HDAC9: variants seen among roughly 807,000 people sequenced by gnomAD.
The protein encoded by HDAC9 is MEF-2 interacting transcription repressor (MITR) protein.
In HDAC9, 41 loss-of-function variants were observed where a neutral mutation model predicts 139.4. The observed-to-expected ratio is 0.29, with a 90% CI of 0.23 to 0.38. The LOEUF (loss-of-function observed/expected upper bound fraction) is 0.38. HDAC9 is among the 10% of genes least tolerant of loss of function. HDAC9 has a pLI of 1.00. For synonymous variants in HDAC9, 517 were observed against 476.2 expected, an observed-to-expected ratio of 1.09 and a Z score of -1.12; for missense variants, 1,147 against 1,297.0, an observed-to-expected ratio of 0.88 and a Z score of 1.78.
At chr7:18,770,581 G>T (rs959563954) in intron 16 of HDAC9, among the ~76,000 whole-genome samples, 1 of 152,140 alleles carries the variant, frequency 6.6e-6, no homozygotes, top group Non-Finnish European at 1.5e-5. Context: ...AGGCTTTTAT[G>T]ATAATGTCGT....
At chr7:18,866,382 C>A (rs1798498571) in intron 21 of HDAC9, among the ~76,000 whole-genome samples, 1 of 152,072 alleles carries the variant, frequency 6.6e-6, no homozygotes, top group African/African-American at 2.4e-5. Context: ...AGATCAGGGA[C>A]TTTGCTGTGA....
At position 18,666,303 on chromosome 7, in the gene HDAC9, G is replaced by A. The variant is rs1794852644; in HGVS notation, c.1558G>A (p.Glu520Lys). The change falls in exon 12 of 26, where the codon GAA becomes AAA. Residue 520 changes from glutamate to lysine, a missense_variant. Physicochemically the swap from Glu to Lys is moderately conservative, Grantham distance 56. This residue lies in a region of HDAC9 where 256 missense variants were observed against 219.2 expected (regional missense o/e 1.17). Transcript: ENST00000686413. ...EELQGDQAMQ[E>K]DRAPSSGNST... ...GCTTCAGGGGGACCAGGCGATGCAG[G>A]AAGACAGAGCGCCCTCTAGTGGCAA... 1.2e-6 allele frequency: 2 copies of A among 1,613,368 alleles called. No individual in the cohort carries two copies. The highest frequency in any genetic ancestry group is 2.7e-5 in the African/African-American group (2 of 74,878).
At chr7:18,697,320 TA>T (rs2129101869) in intron 12 of HDAC9, among the ~76,000 whole-genome samples, 1 of 152,168 alleles carries the variant, frequency 6.6e-6, no homozygotes, top group East Asian at 1.9e-4. Context: ...TTATTTTTTT[TA>T]AATCAGGAAT....
intron 25 of HDAC9, among the ~76,000 whole-genome samples, chr7:18,990,553 C>A (rs902484868): frequency 7.9e-5 from 12 of 152,364 alleles, no homozygotes; most frequent in African/African-American, 2.2e-4. Flanking sequence ...AGGCAGGCCT[C>A]CTTGAGCTGT....
chr7:18,407,117 C>T (rs941641427), intron 1 of HDAC9, among the ~76,000 whole-genome samples: 4 of 152,084 alleles, frequency 2.6e-5, no homozygotes, highest in Non-Finnish European at 5.9e-5. Flanking sequence ...TCTAAACTTC[C>T]GAAGTCTAAG....
rs547264321 is a variant in HDAC9 at position 18,997,489 on chromosome 7, C to T, written c.*1427C>T. ...ACCTAAACATATTGAGGTAGAATAT[C>T]TCACAGTATTTAATATCTGACAATG... On this transcript the variant is annotated 3_prime_UTR_variant, in exon 26 of 26. Transcript: ENST00000686413. 2.0e-5 allele frequency: 3 copies of T among 152,216 alleles called. No homozygotes were observed. The East Asian group carries it at 5.8e-4, about 29-fold the overall frequency. 9.4% of individuals were successfully genotyped at this position (152,216 alleles called of 1,614,324 possible).
chr7:18,932,848 A>AAAAGAAAGAAAGAAAC (rs1804883528), intron 22 of HDAC9, among the ~76,000 whole-genome samples: 1 of 138,204 alleles, frequency 7.2e-6, no homozygotes, highest in African/African-American at 2.8e-5. Flanking sequence ...AGGAAGGAAA[A>AAAAGAAAGAAAGAAAC]AAAGAAAGAA....
At chr7:18,372,456 C>T (rs1395390012) in intron 1 of HDAC9, among the ~76,000 whole-genome samples, 2 of 152,276 alleles carry the variant, frequency 1.3e-5, no homozygotes, top group South Asian at 2.1e-4. Context: ...TTTTCCAGGA[C>T]TGTATTTTCC....
chr7:18,910,104 A>G (rs572396677), intron 22 of HDAC9, among the ~76,000 whole-genome samples: 1 of 151,922 alleles, frequency 6.6e-6, no homozygotes, highest in South Asian at 2.1e-4. Context: ...TTACATCTTT[A>G]CATTAACTTG....
chr7:18,351,093 CG>C (rs1254205784), intron 1 of HDAC9, among the ~76,000 whole-genome samples: 3 of 152,064 alleles, frequency 2.0e-5, no homozygotes, highest in Non-Finnish European at 4.4e-5. Context: ...ATTTAGTAGT[CG>C]GCTGTAAATA....
At chr7:18,506,426 G>T (rs1799781134) in intron 2 of HDAC9, among the ~76,000 whole-genome samples, 2 of 152,006 alleles carry the variant, frequency 1.3e-5, no homozygotes, top group African/African-American at 4.8e-5. Context: ...AGCTTCTTGG[G>T]GCTGTTGACC....
At chr7:18,836,112 G>A (rs1167041143) in intron 21 of HDAC9, 115 bp downstream of exon 21, 3 of 600,162 alleles carry the variant, frequency 5.0e-6, no homozygotes, top group African/African-American at 1.9e-5. Context: ...ATCGCTCAAA[G>A]CCACATAAGA....
intron 23 of HDAC9, chr7:18,948,887 T>G (rs1782590475): frequency 4.1e-6 from 1 of 242,008 alleles, no homozygotes; most frequent in African/African-American, 2.3e-5. Flanking sequence ...AACAAGCTGT[T>G]TAAACTATTA....
chr7:18,603,399 A>G (rs780983883), intron 6 of HDAC9, among the ~76,000 whole-genome samples: 41 of 152,034 alleles, frequency 2.7e-4, no homozygotes, highest in Non-Finnish European at 4.7e-4. Flanking sequence ...CTCCTCTGCT[A>G]TTCAGAACTT....
At chr7:18,934,252 C>T (rs746091315) in intron 22 of HDAC9, among the ~76,000 whole-genome samples, 2 of 151,806 alleles carry the variant, frequency 1.3e-5, no homozygotes, top group Non-Finnish European at 2.9e-5. Flanking sequence ...TGGTTTCATA[C>T]GAGATTTGTC....
intron 1 of HDAC9, among the ~76,000 whole-genome samples, chr7:18,448,060 C>G (rs1164948261): frequency 1.3e-5 from 2 of 152,178 alleles, no homozygotes; most frequent in African/African-American, 4.8e-5. Context: ...AGGCTGGTCT[C>G]CAACTCCAAC....
chr7:18,666,868 T>C, intron 12 of HDAC9: 1 of 1,018,756 alleles, frequency 9.8e-7, no homozygotes, highest in Non-Finnish European at 1.2e-6. Flanking sequence ...TGCTGGATAG[T>C]CTCCCAGTCT....
intron 13 of HDAC9, among the ~76,000 whole-genome samples, chr7:18,728,027 C>T (rs1785697696): frequency 6.6e-6 from 1 of 152,048 alleles, no homozygotes; most frequent in African/African-American, 2.4e-5. Flanking sequence ...AATGAAAATC[C>T]CTGCAACATT....
chr7:18,815,880 A>G (rs1794525582), intron 17 of HDAC9, among the ~76,000 whole-genome samples: 1 of 152,230 alleles, frequency 6.6e-6, no homozygotes, highest in Non-Finnish European at 1.5e-5. Flanking sequence ...AGATTCCAGC[A>G]TGTGAGAGAC....
Sources: gnomAD v4.1 joint callset for allele counts (sites outside exome capture counted in the v4.1 genomes callset) on GRCh38, gnomAD v4.1.1 for gene constraint, gnomAD v4.1.1 regional missense constraint, MANE v1.5 for transcripts, NCBI Gene and HGNC (gene_info 2026-07-23, HGNC 2026-07-21) for gene names.